BABAM2: variants seen among roughly 807,000 people sequenced by gnomAD.
BABAM2 encodes the protein BRISC and BRCA1-A complex member 2.
A neutral mutation model predicts 54.7 loss-of-function variants in BABAM2; 31 were observed. That is an observed-to-expected ratio of 0.57 (90% confidence interval 0.43 to 0.77). The LOEUF (loss-of-function observed/expected upper bound fraction) is 0.77, where lower values mean the gene tolerates loss of function less well. Ranked by LOEUF, BABAM2 falls within the 30% of genes least tolerant of loss-of-function variation. The probability of loss-of-function intolerance (pLI) is 0.00; values close to 1 mark genes in which losing one functional copy is unlikely to be tolerated. For synonymous variants in BABAM2, 167 were observed against 162.9 expected (o/e 1.03, Z -0.19); for missense variants, 364 against 455.8 (o/e 0.80, Z 1.83).
chr2:28,337,596 A>T lies in BABAM2; in HGVS notation c.1089-854A>T, dbSNP rs189116629. ...CGGTCCTGCCACCCCTCTTCCACTG[A>T]CTGGGAAATGTTCTCTTAACACCCA... On this transcript the variant is annotated intron_variant, in intron 11 of 11. Transcript: ENST00000379624. Among the ~76,000 whole-genome samples the T allele has an allele frequency of 4.2e-3, 644 of 152,294 alleles. 2 individuals are homozygous for T. The highest frequency in any genetic ancestry group is 7.2e-3 in the Non-Finnish European group (493 of 68,024).
At chr2:28,276,302 C>T (rs999387495) in intron 10 of BABAM2, among the ~76,000 whole-genome samples, 8 of 152,080 alleles carry the variant, frequency 5.3e-5, no homozygotes, top group Non-Finnish European at 1.0e-4. Flanking sequence ...CAGAATTTTA[C>T]AGATGTGAGT....
intron 4 of BABAM2, among the ~76,000 whole-genome samples, chr2:28,010,241 A>G (rs1674292178): frequency 6.6e-6 from 1 of 152,120 alleles, no homozygotes; most frequent in Non-Finnish European, 1.5e-5. Flanking sequence ...AACATCTCAG[A>G]TACCTCTTTC....
intron 10 of BABAM2, among the ~76,000 whole-genome samples, chr2:28,258,622 T>C (rs4271727): frequency 5.9e-5 from 8 of 136,232 alleles, no homozygotes; most frequent in African/African-American, 1.4e-4. Context: ...TTTCTTTTTT[T>C]TTTTTTTTTG....
At chr2:27,973,483 A>G (rs1033202614) in intron 3 of BABAM2, among the ~76,000 whole-genome samples, 2 of 151,286 alleles carry the variant, frequency 1.3e-5, no homozygotes, top group Non-Finnish European at 2.9e-5. Context: ...GGCAAGCTCT[A>G]GTGATGAAAC....
intron 4 of BABAM2, chr2:28,016,455 A>G: frequency 7.5e-7 from 1 of 1,326,624 alleles, no homozygotes; most frequent in Non-Finnish European, 1.1e-6. Flanking sequence ...GGGTTCATAT[A>G]GGCTACCCAT....
At chr2:28,019,399 T>C (rs1413274643) in intron 4 of BABAM2, among the ~76,000 whole-genome samples, 1 of 152,176 alleles carries the variant, frequency 6.6e-6, no homozygotes, top group Non-Finnish European at 1.5e-5. Context: ...ATTAGTTGTT[T>C]GTCAGATGTA....
chr2:28,130,448 A>C (rs918236322), intron 7 of BABAM2, among the ~76,000 whole-genome samples: 36 of 151,992 alleles, frequency 2.4e-4, no homozygotes, highest in Non-Finnish European at 4.9e-4. Context: ...GCAGACACTC[A>C]ATGAATGTTT....
intron 7 of BABAM2, among the ~76,000 whole-genome samples, chr2:28,188,730 C>T (rs1383218987): frequency 6.6e-6 from 1 of 152,168 alleles, no homozygotes; most frequent in African/African-American, 2.4e-5. Flanking sequence ...CATGAGCTCC[C>T]AAAGGACAAG....
chr2:28,232,713 G>A (rs189046357), intron 7 of BABAM2, among the ~76,000 whole-genome samples: 4 of 152,224 alleles, frequency 2.6e-5, no homozygotes, highest in Admixed American at 2.6e-4. Context: ...GTAAACATAC[G>A]GTATTGTAAT....
At chr2:28,272,008 G>A (rs1295410757) in intron 10 of BABAM2, among the ~76,000 whole-genome samples, 1 of 152,304 alleles carries the variant, frequency 6.6e-6, no homozygotes, top group East Asian at 1.9e-4. Flanking sequence ...AATACATTTT[G>A]GAAGGGGAGG....
intron 6 of BABAM2, among the ~76,000 whole-genome samples, chr2:28,089,819 A>C (rs1044539675): frequency 6.6e-6 from 1 of 152,200 alleles, no homozygotes; most frequent in African/African-American, 2.4e-5. Context: ...TTTAGTGTCC[A>C]CAAATTACCT....
chr2:28,117,344 C>T (rs761496531), intron 6 of BABAM2, among the ~76,000 whole-genome samples: 1 of 152,146 alleles, frequency 6.6e-6, no homozygotes, highest in African/African-American at 2.4e-5. Flanking sequence ...TTTGATTTAC[C>T]GTGGTGTCAT....
intron 3 of BABAM2, among the ~76,000 whole-genome samples, chr2:27,949,829 G>A (rs1247963630): frequency 6.6e-6 from 1 of 152,064 alleles, no homozygotes; most frequent in Non-Finnish European, 1.5e-5. Context: ...AAAACATCTG[G>A]TAATTTGAAT....
intron 10 of BABAM2, among the ~76,000 whole-genome samples, chr2:28,279,777 T>G (rs1686199563): frequency 6.7e-6 from 1 of 149,604 alleles, no homozygotes; most frequent in African/African-American, 2.5e-5. Context: ...GCGATTCTCC[T>G]GCCTCAGCCT....
chr2:28,025,488 A>G (rs765262126), intron 5 of BABAM2, 68 bp downstream of exon 5: 17 of 1,381,486 alleles, frequency 1.2e-5, no homozygotes, highest in Middle Eastern at 2.0e-4. Context: ...TCATATGTCC[A>G]TTTGTAAATC....
chr2:28,148,207 A>G (rs1462311627), intron 7 of BABAM2, among the ~76,000 whole-genome samples: 1 of 152,138 alleles, frequency 6.6e-6, no homozygotes, highest in African/African-American at 2.4e-5. Flanking sequence ...AGTCTGGCAC[A>G]CTTTAGGTTT....
intron 3 of BABAM2, among the ~76,000 whole-genome samples, chr2:27,958,586 A>G (rs1670258234): frequency 1.3e-5 from 2 of 151,176 alleles, no homozygotes; most frequent in Admixed American, 6.6e-5. Flanking sequence ...ATGTATATTT[A>G]GTTTTTTTTT....
At chr2:28,183,198 G>A (rs1675829508) in intron 7 of BABAM2, among the ~76,000 whole-genome samples, 1 of 152,170 alleles carries the variant, frequency 6.6e-6, no homozygotes, top group Admixed American at 6.5e-5. Flanking sequence ...CAGCACTTTG[G>A]GAGGCCGAGT....
chr2:28,029,458 G>GT (rs913527800), intron 5 of BABAM2, among the ~76,000 whole-genome samples: 1 of 152,024 alleles, frequency 6.6e-6, no homozygotes, highest in Admixed American at 6.5e-5. Context: ...TATAGTATTT[G>GT]TTTTTTTGTG....
Sources: allele counts gnomAD v4.1 joint callset (sites outside exome capture counted in the v4.1 genomes callset), GRCh38; gene constraint gnomAD v4.1.1; transcripts MANE v1.5; gene names NCBI Gene and HGNC (gene_info 2026-07-23, HGNC 2026-07-21).